The following LAMP5 variants were observed in gnomAD, a reference collection of about 807,000 sequenced individuals.
The protein encoded by LAMP5 is lysosome-associated membrane glycoprotein 5.
In LAMP5, 36 loss-of-function variants were observed where a neutral mutation model predicts 30.2. The observed-to-expected ratio is 1.19, with a 90% CI of 0.91 to 1.57. The LOEUF (loss-of-function observed/expected upper bound fraction) is 1.57, where lower values mean the gene tolerates loss of function less well. LAMP5 is among the 40% of genes most tolerant of loss of function. The pLI, the probability that LAMP5 is intolerant of heterozygous loss-of-function variation, is 0.00. For missense variants in LAMP5, 377 were observed against 354.9 expected, an observed-to-expected ratio of 1.06 and a Z score of -0.50; for synonymous variants, 149 against 134.6, an observed-to-expected ratio of 1.11 and a Z score of -0.74.
intron 5 of LAMP5, among the ~76,000 whole-genome samples, chr20:9,525,739 T>C (rs145065468): frequency 7.5e-4 from 114 of 152,290 alleles, no homozygotes; most frequent in African/African-American, 2.6e-3. Flanking sequence ...CCAATCCAAC[T>C]CCAACCTCCC....
intron 5 of LAMP5, 84 bp from the exon 6 acceptor site, chr20:9,529,558 C>T (rs2045136030): frequency 6.6e-6 from 9 of 1,370,614 alleles, no homozygotes; most frequent in Non-Finnish European, 8.0e-6. Flanking sequence ...ATCTTTTTAC[C>T]TCCATTTCCC....
intron 5 of LAMP5, among the ~76,000 whole-genome samples, chr20:9,524,642 A>G (rs982730488): frequency 1.3e-5 from 2 of 150,498 alleles, no homozygotes; most frequent in Non-Finnish European, 3.0e-5. Flanking sequence ...TTGGTGCTAG[A>G]TGGTTTTCAG....
At chr20:9,519,608 G>T (rs991106060) in intron 5 of LAMP5, among the ~76,000 whole-genome samples, 8 of 152,214 alleles carry the variant, frequency 5.3e-5, no homozygotes, top group African/African-American at 1.9e-4. Flanking sequence ...AACAGTCAGT[G>T]TCTCTCTTAA....
chr20:9,515,609 C>A lies in LAMP5; in HGVS notation c.221C>A (p.Ala74Asp). 6.2e-7 allele frequency: 1 copy of A among 1,613,764 alleles called. No individual in the cohort carries two copies. The highest frequency in any genetic ancestry group is 1.7e-4 in the Middle Eastern group (1 of 6,060). Residue 74 changes from alanine (A) to aspartate (D), a missense_variant, in exon 2 of 6, where the codon GCC becomes GAC. By Grantham distance (126) the Ala-to-Asp change is moderately radical. Transcript: ENST00000246070. ...TTTATTGTACCTTATGATGTGTGGGCCAGCAACTACGTAGATGTAAGGAAT... is the reference window on the plus strand; with the variant it reads ...TTTATTGTACCTTATGATGTGTGGGACAGCAACTACGTAGATGTAAGGAAT... ...AKFIVPYDVW[A>D]SNYVDLITEQ...
chr20:9,529,761 ATGAC>A lies in LAMP5; in HGVS notation c.787_790del (p.Thr263ProfsTer21). 6.2e-7 allele frequency: 1 copy of A among 1,614,212 alleles called. No individual in the cohort carries two copies. The highest frequency in any genetic ancestry group is 8.5e-7 in the Non-Finnish European group (1 of 1,180,042). ...CGCGATTTACCACGTCCACCACAAAATGACTGCCAACCAGGTGCAGATCCCTCGG... is the reference window on the plus strand; with the variant it reads ...CGCGATTTACCACGTCCACCACAAAATGCCAACCAGGTGCAGATCCCTCGG... On this transcript the variant is annotated frameshift_variant, in exon 6 of 6. Coordinates refer to ENST00000246070, the MANE Select transcript of LAMP5 (RefSeq NM_012261.4). LOFTEE classifies it high-confidence loss of function.
At position 9,526,858 on chromosome 20, in the gene LAMP5, G is replaced by GTA. The variant is rs1378670592; in HGVS notation, c.665-2783_665-2782insAT. The stretch of plus-strand genomic sequence containing the variant: ...TAGATACATATACATATGTGTGTGT[G>GTA]TGTATATATATATATATATATATAT... On this transcript the variant is annotated intron_variant, in intron 5 of 5. Transcript: ENST00000246070. Among the ~76,000 whole-genome samples, 8 of 90,644 alleles carry GTA rather than the reference G, an allele frequency of 8.8e-5. No individual in the cohort carries two copies. In the East Asian group the frequency reaches 1.1e-3, roughly 13 times the overall value. The allele number at this position is 90,644 out of a possible 152,430, so 59.5% of individuals were successfully genotyped here.
In LAMP5 at chr20:9,515,908, G is replaced by A. The variant is rs1162047866; in HGVS notation, c.238-92G>A. On this transcript the variant is annotated intron_variant, in intron 2 of 5. Coordinates refer to ENST00000246070, the MANE Select transcript of LAMP5 (RefSeq NM_012261.4). ...TGCGCGCGCGCAAAGGAGCGCCCAA[G>A]CGTGCAACCCAGAGTTTGGACGCGC... 4.4e-6 allele frequency: 6 copies of A among 1,377,914 alleles called. No individual in the cohort carries two copies. The East Asian group carries it at 1.0e-4, about 24-fold the overall frequency. The allele number at this position is 1,377,914 out of a possible 1,614,324, so 85.4% of individuals were successfully genotyped here. A position where few individuals can be genotyped will look rare whatever the true frequency, so the allele number is the denominator to read the frequency against.
At chr20:9,520,078 G>T (rs1428415529) in intron 5 of LAMP5, among the ~76,000 whole-genome samples, 2 of 152,152 alleles carry the variant, frequency 1.3e-5, no homozygotes, top group African/African-American at 4.8e-5. Context: ...CCACTTAAAG[G>T]TCCTAGATAG....
chr20:9,514,685 C>G lies in LAMP5; in HGVS notation c.-168C>G, dbSNP rs530959061. On this transcript the variant is annotated 5_prime_UTR_variant, in exon 1 of 6. Coordinates refer to ENST00000246070, the MANE Select transcript of LAMP5 (RefSeq NM_012261.4). Reference sequence around the variant, plus strand: ...TGCCAGCAGCTGTCGGTGCCGCGCTCGACACCGAGTCCTAGCTAGGCGCTC... The same window carrying G: ...TGCCAGCAGCTGTCGGTGCCGCGCTGGACACCGAGTCCTAGCTAGGCGCTC... 4 of 610,126 alleles carry G rather than the reference C, an allele frequency of 6.6e-6. No homozygotes were observed. Among genetic ancestry groups the G allele is most frequent in the South Asian group, 5.9e-5 (3 of 50,916 alleles). The allele number at this position is 610,126 out of a possible 1,614,324, so 37.8% of individuals were successfully genotyped here.
intron 4 of LAMP5, among the ~76,000 whole-genome samples, chr20:9,516,823 A>G (rs1302068805): frequency 6.6e-6 from 1 of 152,162 alleles, no homozygotes; most frequent in African/African-American, 2.4e-5. Flanking sequence ...GCATGGCAGC[A>G]TGGCTCGCAC....
intron 5 of LAMP5, among the ~76,000 whole-genome samples, chr20:9,524,371 G>A (rs1471635226): frequency 3.3e-5 from 5 of 151,942 alleles, no homozygotes; most frequent in East Asian, 1.9e-4. Context: ...ATAGAATAGA[G>A]CATAAATTAT....
At chr20:9,516,669 C>A (rs1603168113) in intron 4 of LAMP5, among the ~76,000 whole-genome samples, 1 of 152,144 alleles carries the variant, frequency 6.6e-6, no homozygotes, top group South Asian at 2.1e-4. Context: ...TATGATTTGG[C>A]CTTTGAAGGA....
chr20:9,515,483 A>G lies in LAMP5; in HGVS notation c.95A>G (p.Glu32Gly). Reference sequence around the variant, plus strand: ...ATGGCTCAAATCATGGCAGAACAAGAAGTGGAAAATCTCTCAGGCCTTTCC... The same window carrying G: ...ATGGCTCAAATCATGGCAGAACAAGGAGTGGAAAATCTCTCAGGCCTTTCC... ...HTMAQIMAEQEVENLSGLSTN... is the reference protein window; with the variant it reads ...HTMAQIMAEQGVENLSGLSTN... Residue 32 changes from glutamate to glycine, a missense_variant, in exon 2 of 6, where the codon GAA (glutamate) becomes GGA (glycine). Coordinates refer to ENST00000246070, the MANE Select transcript of LAMP5 (RefSeq NM_012261.4). 2 of 1,614,138 alleles carry G rather than the reference A, an allele frequency of 1.2e-6. No homozygotes were observed. Among genetic ancestry groups the G allele is most frequent in the Admixed American group, 1.7e-5 (1 of 60,022 alleles).
At chr20:9,521,865 C>G (rs1273667639) in intron 5 of LAMP5, among the ~76,000 whole-genome samples, 1 of 152,132 alleles carries the variant, frequency 6.6e-6, no homozygotes, top group African/African-American at 2.4e-5. Flanking sequence ...CTCTATTTCC[C>G]TTTATTCAGG....
chr20:9,514,613 CGTGGACCGCCGTGCGG>C lies in LAMP5; in HGVS notation c.-239_-224del. 5 of 548,100 alleles carry C rather than the reference CGTGGACCGCCGTGCGG, an allele frequency of 9.1e-6. No homozygotes were observed. The South Asian group carries it at 1.2e-4, about 13-fold the overall frequency. The allele number at this position is 548,100 out of a possible 1,614,324, so 34.0% of individuals were successfully genotyped here. ...TCGGATTGCTTTCAGCACTCGCAGC[CGTGGACCGCCGTGCGG>C]TCCTTTCCTCCGCAGTGAGCCGATT... is the stretch of plus-strand genomic sequence containing the variant. On this transcript the variant is annotated 5_prime_UTR_variant, in exon 1 of 6. Transcript: ENST00000246070.
intron 1 of LAMP5, 100 bp from the exon 2 acceptor site, chr20:9,515,351 CTT>C: frequency 8.9e-7 from 1 of 1,120,992 alleles, no homozygotes. Flanking sequence ...TGGCAGAGAA[CTT>C]TGTCACTCCA....
chr20:9,515,745 C>T, intron 2 of LAMP5, 120 bp downstream of exon 2: 1 of 1,136,380 alleles, frequency 8.8e-7, no homozygotes, highest in South Asian at 1.5e-5. Context: ...CGGCAGGCTG[C>T]TCCCGAATGC....
chr20:9,519,178 G>T lies in LAMP5; in HGVS notation c.664+950G>T, dbSNP rs1036645992. Among the ~76,000 whole-genome samples the T allele has an allele frequency of 4.1e-4, 63 of 152,200 alleles. 2 individuals are homozygous for T. On this transcript the variant is annotated intron_variant, in intron 5 of 5. Coordinates refer to ENST00000246070, the MANE Select transcript of LAMP5 (RefSeq NM_012261.4). ...CATTTATTCTCTCTCCCTCACAAAGGAGGTTATTAAATTTTATATTCTGTT... is the reference window on the plus strand; with the variant it reads ...CATTTATTCTCTCTCCCTCACAAAGTAGGTTATTAAATTTTATATTCTGTT...
At chr20:9,516,805 C>T (rs755385635) in intron 4 of LAMP5, among the ~76,000 whole-genome samples, 1 of 152,274 alleles carries the variant, frequency 6.6e-6, no homozygotes, top group Admixed American at 6.5e-5. Flanking sequence ...CCTTCAGTGT[C>T]TTTTTGCGCA....
Sources: gnomAD v4.1 joint callset for allele counts (sites outside exome capture counted in the v4.1 genomes callset) on GRCh38, gnomAD v4.1.1 for gene constraint, MANE v1.5 for transcripts, NCBI Gene and HGNC (gene_info 2026-07-23, HGNC 2026-07-21) for gene names.